The following EPAS1 variants were observed in gnomAD, a reference collection of about 807,000 sequenced individuals.
EPAS1 encodes the protein endothelial PAS domain-containing protein 1.
In EPAS1, 23 loss-of-function variants were observed where a neutral mutation model predicts 87.9. The observed-to-expected ratio is 0.26, with a 90% confidence interval of 0.19 to 0.37. The LOEUF is 0.37. EPAS1 is among the 10% of genes least tolerant of loss of function. EPAS1 has a pLI of 1.00. For synonymous variants in EPAS1, 508 were observed against 444.3 expected, an observed-to-expected ratio of 1.14 and a Z score of -1.80; for missense variants, 1,138 against 1,120.7, an observed-to-expected ratio of 1.02 and a Z score of -0.22.
chr2:46,383,849 T>G (rs1021056541), intron 15 of EPAS1, among the ~76,000 whole-genome samples: 2 of 151,900 alleles, frequency 1.3e-5, no homozygotes, highest in Non-Finnish European at 2.9e-5. Context: ...AGCTAGGAGG[T>G]GCAGGAGGCA....
chr2:46,346,481 C>T lies in EPAS1; in HGVS notation c.27-392C>T, dbSNP rs1017817520. ...TGTTCTCCAGAGCCCTTGACAAAGC[C>T]ATCTGAGCCACTGATCATAGCTTCC... On this transcript the variant is annotated intron_variant, in intron 1 of 15. Transcript: ENST00000263734. The surrounding 1 kb of genome is among the most constrained non-coding windows in gnomAD (Gnocchi z 4.0). Among the ~76,000 whole-genome samples the T allele has an allele frequency of 3.9e-5, 6 of 152,152 alleles. No homozygotes were observed. The highest frequency in any genetic ancestry group is 1.4e-4 in the African/African-American group (6 of 41,426).
In EPAS1 at chr2:46,360,632, A is replaced by C; in HGVS notation, c.455-6A>C. ...CAGCTGGTTCTTCCCATCCTTCCAC[A>C]TCCAGGCTCTGGTTTTGGGAAAAAA... On this transcript the variant is annotated splice_region_variant and splice_polypyrimidine_tract_variant and intron_variant, in intron 4 of 15. Coordinates refer to ENST00000263734, the MANE Select transcript of EPAS1 (RefSeq NM_001430.5). This position sits in a 1 kb window ranked among gnomAD's most constrained non-coding sequence, Gnocchi z 4.5. 6.2e-7 allele frequency: 1 copy of C among 1,613,404 alleles called. No individual in the cohort carries two copies.
At chr2:46,337,970 A>G (rs1683829828) in intron 1 of EPAS1, among the ~76,000 whole-genome samples, 1 of 152,130 alleles carries the variant, frequency 6.6e-6, no homozygotes, top group South Asian at 2.1e-4. Context: ...AGCGTGTCTC[A>G]CTTTGCTGCT....
chr2:46,325,536 T>C (rs1470253887), intron 1 of EPAS1, among the ~76,000 whole-genome samples: 1 of 152,146 alleles, frequency 6.6e-6, no homozygotes, highest in Non-Finnish European at 1.5e-5. Context: ...CAACTGAGAA[T>C]CCAGGCGGGA....
At position 46,347,342 on chromosome 2, in the gene EPAS1, A is replaced by G. The variant is rs1684052362; in HGVS notation, c.217+279A>G. The G allele has an allele frequency of 3.8e-6, 2 of 519,834 alleles. No individual in the cohort carries two copies. The highest frequency in any genetic ancestry group is 7.0e-6 in the Non-Finnish European group (2 of 286,248). The allele number at this position is 519,834 out of a possible 1,614,324, so 32.2% of individuals were successfully genotyped here. A position where few individuals can be genotyped will look rare whatever the true frequency, so the allele number is the denominator to read the frequency against. On this transcript the variant is annotated intron_variant, in intron 2 of 15. Coordinates refer to ENST00000263734, the MANE Select transcript of EPAS1 (RefSeq NM_001430.5). The surrounding 1 kb of genome is among the most constrained non-coding windows in gnomAD (Gnocchi z 4.2). ...TGGAGAACACGGGCTGGGAGAACCA[A>G]GGACGGCTTTTGCTGACTTCTCAAT... is the stretch of plus-strand genomic sequence containing the variant.
intron 1 of EPAS1, among the ~76,000 whole-genome samples, chr2:46,323,349 G>A (rs555985593): frequency 9.9e-5 from 15 of 152,234 alleles, no homozygotes; most frequent in South Asian, 2.1e-4. Context: ...GAAAAATAAA[G>A]TAGGTGCCAA....
chr2:46,377,501 C>T (rs994692783), intron 9 of EPAS1, among the ~76,000 whole-genome samples: 2 of 152,222 alleles, frequency 1.3e-5, no homozygotes, highest in South Asian at 2.1e-4. Context: ...GAATCTGAAA[C>T]GCAGCGGGCC....
At chr2:46,348,733 A>C (rs1558597132) in intron 2 of EPAS1, among the ~76,000 whole-genome samples, 4 of 152,040 alleles carry the variant, frequency 2.6e-5, no homozygotes, top group Admixed American at 2.0e-4. Flanking sequence ...TGATTTTTTA[A>C]TTTTTTCAGA....
Position 46,356,769 on chromosome 2 carries a change from G to T in EPAS1, c.415G>T (p.Asp139Tyr). The T allele has an allele frequency of 6.2e-7, 1 of 1,613,968 alleles. No individual in the cohort carries two copies. The highest frequency in any genetic ancestry group is 1.1e-5 in the South Asian group (1 of 91,056). The change falls in exon 4 of 16, where the codon GAC becomes TAC. Residue 139 changes from aspartate to tyrosine, a missense_variant. Asp to Tyr is a radical substitution (Grantham distance 160, BLOSUM62 -3). This residue lies in a region of EPAS1 where 351 missense variants were observed against 417.1 expected (regional missense o/e 0.84). Coordinates refer to ENST00000263734, the MANE Select transcript of EPAS1 (RefSeq NM_001430.5). ...TATCTTTGACTTCACTCATCCCTGC[G>T]ACCATGAGGAGATTCGTGAGAACCT... ...HSIFDFTHPC[D>Y]HEEIRENLSL...
Position 46,378,056 on chromosome 2 carries a change from G to A in EPAS1, c.1412G>A (p.Ser471Asn). Residue 471 changes from serine to asparagine, a missense_variant, in exon 10 of 16, where the codon AGT (serine) becomes AAT (asparagine). Around this residue, in one of 4 missense-constraint regions of EPAS1, gnomAD observed 284 missense variants for 258.4 expected, o/e 1.10. Transcript: ENST00000263734. ...GCTGCCCCGGGCAGCACCACCCCCA[G>A]TGCCACCAGCAGCAGCAGCAGCTGC... ...QAAAPGSTTPSATSSSSSCST... is the reference protein window; with the variant it reads ...QAAAPGSTTPNATSSSSSCST... 6.2e-7 allele frequency: 1 copy of A among 1,607,184 alleles called. No individual in the cohort carries two copies. Among genetic ancestry groups the A allele is most frequent in the Non-Finnish European group, 8.5e-7 (1 of 1,177,934 alleles).
rs759063413 is a variant in EPAS1 at position 46,384,788 on chromosome 2, A to C, written c.*128A>C. The C allele has an allele frequency of 1.8e-4, 237 of 1,289,270 alleles. No individual in the cohort carries two copies. Among genetic ancestry groups the C allele is most frequent in the Non-Finnish European group, 2.5e-4 (233 of 927,100 alleles). 79.9% of individuals were successfully genotyped at this position (1,289,270 alleles called of 1,614,324 possible). ...TTTACAAGATGGACTTACCTGGCAG[A>C]CTTGCCCAGGTCACCAAGCAGTGGC... On this transcript the variant is annotated 3_prime_UTR_variant, in exon 16 of 16. Coordinates refer to ENST00000263734, the MANE Select transcript of EPAS1 (RefSeq NM_001430.5).
intron 1 of EPAS1, among the ~76,000 whole-genome samples, chr2:46,302,273 A>G (rs1683023860): frequency 6.6e-6 from 1 of 152,112 alleles, no homozygotes; most frequent in African/African-American, 2.4e-5. Context: ...TTAGGCTCCT[A>G]CATTTGAAAA....
rs1558612161 is a variant in EPAS1, at chr2:46,380,574, A to T, written c.1902A>T (p.Arg634Ser). Residue 634 changes from arginine (R) to serine (S), a missense_variant, in exon 12 of 16, where the codon AGA (arginine) becomes AGT (serine). Arg to Ser is a moderately radical substitution (Grantham distance 110). This residue lies in a region of EPAS1 where 502 missense variants were observed against 427.1 expected (regional missense o/e 1.18). Coordinates refer to ENST00000263734, the MANE Select transcript of EPAS1 (RefSeq NM_001430.5). The surrounding 1 kb of genome is among the most constrained non-coding windows in gnomAD (Gnocchi z 4.4). The part of the protein sequence containing the change: ...ASTPLSSMGG[R>S]SNTQWPPDPP... ...CCCCTCTCTCTTCCATGGGGGGCAG[A>T]TCCAATACCCAGTGGCCCCCAGATC... 1 of 1,613,918 alleles carries T rather than the reference A, an allele frequency of 6.2e-7. No homozygotes were observed. Among genetic ancestry groups the T allele is most frequent in the Non-Finnish European group, 8.5e-7 (1 of 1,179,988 alleles).
chr2:46,311,150 T>C (rs1683204829), intron 1 of EPAS1, among the ~76,000 whole-genome samples: 1 of 152,234 alleles, frequency 6.6e-6, no homozygotes, highest in Non-Finnish European at 1.5e-5. Flanking sequence ...GTGCTGAGAT[T>C]ACAGGCGTGA....
chr2:46,349,070 A>T (rs1453542591), intron 2 of EPAS1, among the ~76,000 whole-genome samples: 1 of 152,206 alleles, frequency 6.6e-6, no homozygotes, highest in Non-Finnish European at 1.5e-5. Context: ...GAAAACAGAC[A>T]TGGGACAGCA....
chr2:46,337,102 A>G (rs535616976), intron 1 of EPAS1, among the ~76,000 whole-genome samples: 52 of 152,222 alleles, frequency 3.4e-4, no homozygotes, highest in Non-Finnish European at 1.0e-4. Flanking sequence ...GAAGTCATTG[A>G]CGTGGTTTTT....
intron 1 of EPAS1, among the ~76,000 whole-genome samples, chr2:46,331,704 C>G (rs1683677558): frequency 1.3e-5 from 2 of 152,160 alleles, no homozygotes; most frequent in Non-Finnish European, 2.9e-5. Context: ...AAAAATGAAC[C>G]TTTTCTTTCT....
chr2:46,376,402 C>T (rs530271665), intron 8 of EPAS1, 137 bp from the exon 9 acceptor site: 6 of 817,088 alleles, frequency 7.3e-6, no homozygotes, highest in Non-Finnish European at 1.3e-5. Context: ...TTGTATGGTT[C>T]TTTATAAGAC....
intron 1 of EPAS1, among the ~76,000 whole-genome samples, chr2:46,313,615 C>A (rs1401954572): frequency 6.6e-6 from 1 of 152,014 alleles, no homozygotes; most frequent in Non-Finnish European, 1.5e-5. Context: ...CCATGCCAGG[C>A]TAATATTTGT....
Sources: gnomAD v4.1 joint callset for allele counts (sites outside exome capture counted in the v4.1 genomes callset) on GRCh38, gnomAD v4.1.1 for gene constraint, gnomAD v4.1.1 regional missense constraint, Gnocchi (gnomAD v3.1) non-coding constraint, MANE v1.5 for transcripts, NCBI Gene and HGNC (gene_info 2026-07-23, HGNC 2026-07-21) for gene names.